NEK1: variants seen among roughly 807,000 people sequenced by gnomAD.
NEK1 encodes NIMA related kinase 1, also known as serine/threonine-protein kinase Nek1.
A neutral mutation model predicts 182.1 loss-of-function variants in NEK1; 137 were observed. The ratio of observed to expected loss-of-function variants is 0.75; its 90% confidence interval spans 0.65 to 0.87. The LOEUF is 0.87. Among genes scored for constraint, NEK1 ranks in the 40% least tolerant of loss-of-function variants. The pLI is 0.00. For synonymous variants in NEK1, 513 were observed against 492.2 expected (o/e 1.04, Z -0.56); for missense variants, 1,391 against 1,494.4 (o/e 0.93, Z 1.14).
At chr4:169,495,478 G>A (rs1339369298) in intron 23 of NEK1, among the ~76,000 whole-genome samples, 1 of 151,952 alleles carries the variant, frequency 6.6e-6, no homozygotes, top group South Asian at 2.1e-4. Flanking sequence ...TCCTGACCTC[G>A]TGATCCGCCC....
At chr4:169,576,321 C>G (rs1020326436) in intron 12 of NEK1, among the ~76,000 whole-genome samples, 6 of 152,140 alleles carry the variant, frequency 3.9e-5, no homozygotes, top group African/African-American at 1.4e-4. Flanking sequence ...GTTTATCTTA[C>G]AGCAGTGTGT....
At chr4:169,399,534 G>A (rs1018566384) in intron 35 of NEK1, among the ~76,000 whole-genome samples, 5 of 151,354 alleles carry the variant, frequency 3.3e-5, no homozygotes, top group East Asian at 1.9e-4. Flanking sequence ...CCGAGATCAC[G>A]ACACTGCACT....
chr4:169,500,293 T>G (rs1752189044), intron 23 of NEK1, among the ~76,000 whole-genome samples: 1 of 152,140 alleles, frequency 6.6e-6, no homozygotes, highest in African/African-American at 2.4e-5. Context: ...CCAGGTGCCG[T>G]CTGTCACCCC....
intron 35 of NEK1, among the ~76,000 whole-genome samples, chr4:169,399,833 C>T (rs1487746002): frequency 1.3e-5 from 2 of 151,968 alleles, no homozygotes; most frequent in East Asian, 3.9e-4. Context: ...CTATGTTGTC[C>T]AGGCTGGTCT....
chr4:169,576,640 A>C lies in NEK1; in HGVS notation c.1020+288T>G, dbSNP rs79618700. 11,177 of 196,530 alleles carry C rather than the reference A, an allele frequency of 0.057. 1,304 individuals are homozygous for C. Among genetic ancestry groups the C allele is most frequent in the African/African-American group, 0.25 (10,394 of 42,346 alleles). 12.2% of individuals were successfully genotyped at this position (196,530 alleles called of 1,614,324 possible). On this transcript the variant is annotated intron_variant, in intron 12 of 35. Transcript: ENST00000507142. ...AATGTCATAGGTATTTATTTCATTT[A>C]TGCACAAAAACAAATGGCTCTGCTT...
intron 12 of NEK1, among the ~76,000 whole-genome samples, chr4:169,565,497 C>CA (rs1248518268): frequency 6.6e-6 from 1 of 152,104 alleles, no homozygotes; most frequent in East Asian, 1.9e-4. Context: ...AGTATCATTA[C>CA]AAAAACACAG....
rs542520838 is a variant in NEK1, at chr4:169,533,819, A to G, written c.1665+3990T>C. Among the ~76,000 whole-genome samples, 5 of 152,382 alleles carry G rather than the reference A, an allele frequency of 3.3e-5. No homozygotes were observed. In the East Asian group the frequency reaches 9.6e-4, roughly 29 times the overall value. Reference sequence around the variant, plus strand: ...AGGAGTCCTCTTGAGGAGAAAATGTAGAAGCAATATTTGAAGAACTTTTAA... The same window carrying G: ...AGGAGTCCTCTTGAGGAGAAAATGTGGAAGCAATATTTGAAGAACTTTTAA... On this transcript the variant is annotated intron_variant, in intron 19 of 35. Coordinates refer to ENST00000507142, the MANE Select transcript of NEK1 (RefSeq NM_001199397.3).
chr4:169,496,677 T>TTG (rs1266286091), intron 23 of NEK1, among the ~76,000 whole-genome samples: 1 of 150,568 alleles, frequency 6.6e-6, no homozygotes, highest in Non-Finnish European at 1.5e-5. Context: ...GGTTTTTGCC[T>TTG]TTGGTTCTGT....
intron 12 of NEK1, among the ~76,000 whole-genome samples, chr4:169,571,116 A>G (rs922767415): frequency 8.6e-5 from 13 of 151,768 alleles, no homozygotes; most frequent in Admixed American, 7.9e-4. Context: ...CCTTCCCTCC[A>G]CTATTGTCCT....
Position 169,537,940 on chromosome 4 carries a change from A to ATTT in NEK1, c.1563-30_1563-29insAAA, listed in dbSNP as rs746326042. The ATTT allele has an allele frequency of 7.5e-6, 11 of 1,461,624 alleles. No homozygotes were observed. The Middle Eastern group carries it at 7.1e-4, about 94-fold the overall frequency. 90.5% of individuals were successfully genotyped at this position (1,461,624 alleles called of 1,614,324 possible). A position where few individuals can be genotyped will look rare whatever the true frequency, so the allele number is the denominator to read the frequency against. Reference sequence around the variant, plus strand: ...ATTTGGACAAATCACAAAGTCAGCCATCCTGAACAGAAAATATTCTAAAAA... The same window carrying ATTT: ...ATTTGGACAAATCACAAAGTCAGCCATTTTCCTGAACAGAAAATATTCTAAAAA... On this transcript the variant is annotated intron_variant, in intron 18 of 35. Coordinates refer to ENST00000507142, the MANE Select transcript of NEK1 (RefSeq NM_001199397.3).
At chr4:169,465,244 A>G (rs962683246) in intron 26 of NEK1, among the ~76,000 whole-genome samples, 3 of 152,150 alleles carry the variant, frequency 2.0e-5, no homozygotes, top group Admixed American at 6.6e-5. Context: ...AATATGCCAA[A>G]GAAATTCAAA....
chr4:169,425,285 G>A (rs1736182405), intron 30 of NEK1, among the ~76,000 whole-genome samples: 1 of 152,184 alleles, frequency 6.6e-6, no homozygotes, highest in Non-Finnish European at 1.5e-5. Context: ...TTAGCTGGGT[G>A]TAGTAGCGCA....
intron 10 of NEK1, among the ~76,000 whole-genome samples, chr4:169,584,549 T>C (rs1166869042): frequency 1.3e-5 from 2 of 151,994 alleles, no homozygotes; most frequent in African/African-American, 2.4e-5. Context: ...GAGATGGCAG[T>C]TGCAGTGAGC....
intron 23 of NEK1, among the ~76,000 whole-genome samples, chr4:169,497,383 G>GT (rs1382790961): frequency 2.0e-5 from 3 of 150,688 alleles, no homozygotes; most frequent in Admixed American, 6.6e-5. Context: ...TTTTTGGAGG[G>GT]TTTTTTGTGT....
intron 32 of NEK1, among the ~76,000 whole-genome samples, chr4:169,405,138 A>G (rs555272701): frequency 6.6e-6 from 1 of 152,332 alleles, no homozygotes; most frequent in South Asian, 2.1e-4. Context: ...GCATTCTGAG[A>G]AATGCATTGT....
At chr4:169,511,355 G>T (rs1754149474) in intron 19 of NEK1, among the ~76,000 whole-genome samples, 1 of 152,092 alleles carries the variant, frequency 6.6e-6, no homozygotes, top group Non-Finnish European at 1.5e-5. Context: ...AAAGATGTGA[G>T]ATAAATTCTG....
intron 26 of NEK1, among the ~76,000 whole-genome samples, chr4:169,473,687 C>A (rs1746438457): frequency 6.6e-6 from 1 of 151,964 alleles, no homozygotes; most frequent in Non-Finnish European, 1.5e-5. Flanking sequence ...GAGTTTGAGA[C>A]CAGCCTGGGC....
chr4:169,582,587 A>G (rs1175215648), intron 10 of NEK1, among the ~76,000 whole-genome samples: 3 of 152,136 alleles, frequency 2.0e-5, no homozygotes, highest in Admixed American at 1.3e-4. Flanking sequence ...CAGGTGGTTT[A>G]TGATCTCCAT....
chr4:169,602,888 T>G (rs949764551), intron 2 of NEK1, among the ~76,000 whole-genome samples: 1 of 152,154 alleles, frequency 6.6e-6, no homozygotes, highest in African/African-American at 2.4e-5. Context: ...GATATTTCAA[T>G]TTTATAAGAA....
Sources: allele counts gnomAD v4.1 joint callset (sites outside exome capture counted in the v4.1 genomes callset), GRCh38; gene constraint gnomAD v4.1.1; transcripts MANE v1.5; gene names NCBI Gene and HGNC (gene_info 2026-07-23, HGNC 2026-07-21).